CNTN6: variants seen among roughly 807,000 people sequenced by gnomAD.
The protein encoded by CNTN6 is contactin 6.
In CNTN6, 137 loss-of-function variants were observed where a neutral mutation model predicts 122.8. The observed-to-expected ratio is 1.12, with a 90% CI of 0.97 to 1.29. The LOEUF is 1.29. CNTN6 is among the 50% of genes most tolerant of loss of function. The pLI is 0.00. For missense variants in CNTN6, 1,634 were observed against 1,223.4 expected, an observed-to-expected ratio of 1.34 and a Z score of -5.01; for synonymous variants, 570 against 426.0, an observed-to-expected ratio of 1.34 and a Z score of -4.16.
At chr3:1,133,037 C>T (rs919437554) in intron 1 of CNTN6, among the ~76,000 whole-genome samples, 3 of 152,022 alleles carry the variant, frequency 2.0e-5, no homozygotes, top group South Asian at 4.1e-4. Context: ...TAAGTTAGTG[C>T]ATCATGTATA....
intron 5 of CNTN6, among the ~76,000 whole-genome samples, chr3:1,292,978 C>T (rs1327018428): frequency 1.3e-5 from 2 of 152,024 alleles, no homozygotes; most frequent in East Asian, 1.9e-4. Flanking sequence ...TTTTTTTTCC[C>T]ACATGACACT....
Position 1,342,429 on chromosome 3 carries a change from G to C in CNTN6, c.1365-9895G>C, listed in dbSNP as rs374592021. Among the ~76,000 whole-genome samples, 140 of 152,208 alleles carry C rather than the reference G, an allele frequency of 9.2e-4. 1 individual carries two copies. Among genetic ancestry groups the C allele is most frequent in the African/African-American group, 3.3e-3 (137 of 41,546 alleles). On this transcript the variant is annotated intron_variant, in intron 11 of 22. Coordinates refer to ENST00000446702, the MANE Select transcript of CNTN6 (RefSeq NM_001289080.2). Reference sequence around the variant, plus strand: ...AGGTGTGAGCCACCCTGCCTGGCCTGTCTGTTTCTTTTATAAGCACTTGCT... The same window carrying C: ...AGGTGTGAGCCACCCTGCCTGGCCTCTCTGTTTCTTTTATAAGCACTTGCT...
At chr3:1,122,190 C>A (rs73105121) in intron 1 of CNTN6, among the ~76,000 whole-genome samples, 7,736 of 151,494 alleles carry the variant, frequency 0.051, 657 homozygotes, top group African/African-American at 0.17. Context: ...TTATATTGTC[C>A]CTGAATGTAT....
intron 4 of CNTN6, among the ~76,000 whole-genome samples, chr3:1,251,091 C>T (rs980236097): frequency 2.0e-5 from 3 of 152,156 alleles, no homozygotes; most frequent in Admixed American, 6.5e-5. Flanking sequence ...ATACTCCTGT[C>T]GAATATCTTG....
intron 2 of CNTN6, among the ~76,000 whole-genome samples, chr3:1,219,948 G>A (rs544025513): frequency 1.4e-4 from 21 of 147,222 alleles, no homozygotes; most frequent in African/African-American, 5.2e-4. Context: ...GCTGCAGTGA[G>A]CTGTGATTGT....
intron 4 of CNTN6, among the ~76,000 whole-genome samples, chr3:1,258,997 A>G (rs1045033534): frequency 2.0e-5 from 3 of 152,096 alleles, no homozygotes; most frequent in Non-Finnish European, 4.4e-5. Flanking sequence ...CCACCCATAA[A>G]CCCATTAATG....
chr3:1,171,108 C>T (rs1460582835), intron 2 of CNTN6, among the ~76,000 whole-genome samples: 1 of 152,204 alleles, frequency 6.6e-6, no homozygotes, highest in Non-Finnish European at 1.5e-5. Flanking sequence ...GATCTTAAGA[C>T]TCCAACACTG....
rs890087455 is a variant in CNTN6, at chr3:1,383,165, C to T, written c.2390C>T (p.Ser797Phe). Residue 797 changes from serine to phenylalanine, a missense_variant, in exon 18 of 23, where the codon TCT becomes TTT. Physicochemically the swap from Ser to Phe is radical, Grantham distance 155. Transcript: ENST00000446702. The stretch of plus-strand genomic sequence containing the variant: ...CTGAGTACTGTGACCATTGTCTACT[C>T]TGGGGAAGATGGTAAGTTGTCCTCA... ...GSLSTVTIVY[S>F]GEDEPQLAPR... The T allele has an allele frequency of 3.1e-6, 5 of 1,612,512 alleles. No homozygotes were observed. The highest frequency in any genetic ancestry group is 4.2e-6 in the Non-Finnish European group (5 of 1,178,634).
intron 1 of CNTN6, among the ~76,000 whole-genome samples, chr3:1,106,116 G>GA (rs2091207560): frequency 6.6e-6 from 1 of 152,004 alleles, no homozygotes; most frequent in South Asian, 2.1e-4. Flanking sequence ...GGTATGTTAG[G>GA]AAAATTCAGG....
intron 12 of CNTN6, among the ~76,000 whole-genome samples, chr3:1,369,020 T>A (rs1314279557): frequency 6.6e-6 from 1 of 152,178 alleles, no homozygotes; most frequent in Non-Finnish European, 1.5e-5. Flanking sequence ...CCTCTATTAC[T>A]CTGTGTTTAA....
At chr3:1,315,010 AAG>A (rs1334264065) in intron 7 of CNTN6, among the ~76,000 whole-genome samples, 5 of 151,950 alleles carry the variant, frequency 3.3e-5, no homozygotes, top group African/African-American at 1.2e-4. Flanking sequence ...TTTTTGTAAA[AAG>A]AGAGAGGGGA....
At chr3:1,393,747 T>C (rs1293092291) in intron 20 of CNTN6, among the ~76,000 whole-genome samples, 2 of 151,960 alleles carry the variant, frequency 1.3e-5, no homozygotes, top group African/African-American at 4.8e-5. Context: ...CATAATCCCA[T>C]CAACCAGTTT....
chr3:1,305,938 A>G (rs763896163), intron 7 of CNTN6, among the ~76,000 whole-genome samples: 2 of 152,194 alleles, frequency 1.3e-5, no homozygotes, highest in Admixed American at 6.5e-5. Flanking sequence ...TATTTCTTAT[A>G]GTGTTTGCTT....
intron 2 of CNTN6, among the ~76,000 whole-genome samples, chr3:1,195,015 C>G (rs2093756488): frequency 6.6e-6 from 1 of 152,038 alleles, no homozygotes; most frequent in Non-Finnish European, 1.5e-5. Flanking sequence ...GCAAATCAAA[C>G]AATCTACTAC....
At chr3:1,116,283 G>A (rs2091716151) in intron 1 of CNTN6, among the ~76,000 whole-genome samples, 1 of 152,050 alleles carries the variant, frequency 6.6e-6, no homozygotes, top group Non-Finnish European at 1.5e-5. Flanking sequence ...GGGCTTCAAA[G>A]AAATAACTCT....
intron 1 of CNTN6, among the ~76,000 whole-genome samples, chr3:1,100,060 C>A (rs915634411): frequency 1.3e-5 from 2 of 151,926 alleles, no homozygotes; most frequent in African/African-American, 4.8e-5. Context: ...TTAAACTGCC[C>A]CCAATATTTT....
intron 7 of CNTN6, among the ~76,000 whole-genome samples, chr3:1,304,237 T>A (rs1293611660): frequency 6.6e-6 from 1 of 152,140 alleles, no homozygotes; most frequent in East Asian, 1.9e-4. Flanking sequence ...TTCCCCTCTT[T>A]CAGGATCATA....
chr3:1,353,901 A>G (rs1706096584), intron 12 of CNTN6, among the ~76,000 whole-genome samples: 1 of 151,540 alleles, frequency 6.6e-6, no homozygotes, highest in Non-Finnish European at 1.5e-5. Flanking sequence ...GTAGCAATGT[A>G]GTTTTTAAAA....
In CNTN6 at chr3:1,115,891, T is replaced by C. The variant is rs115042706; in HGVS notation, c.-83+22771T>C. On this transcript the variant is annotated intron_variant, in intron 1 of 22. Coordinates refer to ENST00000446702, the MANE Select transcript of CNTN6 (RefSeq NM_001289080.2). ...AACACTTATTACAAGAATTGTAAGA[T>C]AAAATTGAATAAATTATCCAGAAAG... Among the ~76,000 whole-genome samples, 289 of 152,202 alleles carry C rather than the reference T, an allele frequency of 1.9e-3. 1 individual carries two copies. Among genetic ancestry groups the C allele is most frequent in the African/African-American group, 6.6e-3 (274 of 41,554 alleles).
Sources: gnomAD v4.1 joint callset for allele counts (sites outside exome capture counted in the v4.1 genomes callset) on GRCh38, gnomAD v4.1.1 for gene constraint, MANE v1.5 for transcripts, NCBI Gene and HGNC (gene_info 2026-07-23, HGNC 2026-07-21) for gene names.